COA1: variants seen among roughly 807,000 people sequenced by gnomAD.
COA1 encodes the protein cytochrome c oxidase assembly factor 1 homolog.
Under a neutral mutation model 16.0 loss-of-function variants are expected in COA1, and 13 were observed. The ratio of observed to expected loss-of-function variants is 0.81; its 90% CI spans 0.53 to 1.29. The LOEUF is 1.29. Ranked by LOEUF, COA1 falls within the 50% of genes most tolerant of loss-of-function variation. The pLI, the probability that COA1 is intolerant of heterozygous loss-of-function variation, is 0.00. For synonymous variants in COA1, 65 were observed against 65.7 expected (o/e 0.99, Z 0.05); for missense variants, 179 against 177.0 (o/e 1.01, Z -0.06).
chr7:43,648,814 T>TC (rs765311525), intron 1 of COA1, 162 bp from the exon 2 acceptor site: 36 of 562,138 alleles, frequency 6.4e-5, no homozygotes, highest in Non-Finnish European at 8.7e-5. Flanking sequence ...CCCTGGTTTT[T>TC]CCCCCTTCTG....
At chr7:43,703,016 T>C (rs1350253564) in intron 1 of COA1, among the ~76,000 whole-genome samples, 1 of 152,192 alleles carries the variant, frequency 6.6e-6, no homozygotes, top group Non-Finnish European at 1.5e-5. Context: ...TAACCTTTAG[T>C]TGTGTCCCAA....
At chr7:43,725,601 A>G (rs376651864) in intron 1 of COA1, among the ~76,000 whole-genome samples, 33 of 152,166 alleles carry the variant, frequency 2.2e-4, no homozygotes, top group African/African-American at 8.0e-4. Context: ...GCTCATGCCT[A>G]TAACCCCAGC....
chr7:43,644,787 C>G (rs1024136821), intron 4 of COA1, among the ~76,000 whole-genome samples: 6,275 of 24,830 alleles, frequency 0.25, 343 homozygotes, highest in African/African-American at 0.32. Context: ...GGCAGGCAGG[C>G]AGGCAGAGAG....
At chr7:43,703,226 T>C (rs1356087681) in intron 1 of COA1, among the ~76,000 whole-genome samples, 1 of 152,144 alleles carries the variant, frequency 6.6e-6, no homozygotes, top group African/African-American at 2.4e-5. Flanking sequence ...TCGGTTTTTG[T>C]CTGTTTTAGA....
intron 1 of COA1, among the ~76,000 whole-genome samples, chr7:43,655,799 T>C (rs1296816825): frequency 6.6e-6 from 1 of 152,150 alleles, no homozygotes; most frequent in African/African-American, 2.4e-5. Flanking sequence ...GGAGGCAGAA[T>C]TGATGTTGGA....
At position 43,709,434 on chromosome 7, in the gene COA1, TTGTGTGTGTGTGTGTG is replaced by T. The variant is rs59823123; in HGVS notation, c.-39+19979_-39+19994del. On this transcript the variant is annotated intron_variant, in intron 1 of 5. Coordinates refer to ENST00000223336, the MANE Select transcript of COA1 (RefSeq NM_018224.4). ...ACAGGTCTTGATTCACTTTGTTTTATTGTGTGTGTGTGTGTGTGTGTGTGTGTGTGTGTGTGTGTAT... is the reference window on the plus strand; with the variant it reads ...ACAGGTCTTGATTCACTTTGTTTTATTGTGTGTGTGTGTGTGTGTGTGTAT... Among the ~76,000 whole-genome samples, 14 of 144,988 alleles carry T rather than the reference TTGTGTGTGTGTGTGTG, an allele frequency of 9.7e-5. 1 individual carries two copies. The highest frequency in any genetic ancestry group is 3.3e-4 in the African/African-American group (13 of 39,428).
chr7:43,626,964 A>G (rs2084620843), intron 6 of COA1, among the ~76,000 whole-genome samples: 1 of 152,216 alleles, frequency 6.6e-6, no homozygotes, highest in South Asian at 2.1e-4. Context: ...AAAACAGGGC[A>G]TGAAGAGCCT....
chr7:43,661,674 C>A (rs535000178), intron 1 of COA1, among the ~76,000 whole-genome samples: 20 of 150,996 alleles, frequency 1.3e-4, no homozygotes, highest in South Asian at 4.2e-4. Context: ...AAAGAAAATA[C>A]CAGTTTCCTA....
chr7:43,652,437 G>C (rs548082531), intron 1 of COA1, among the ~76,000 whole-genome samples: 36 of 152,136 alleles, frequency 2.4e-4, no homozygotes, highest in African/African-American at 7.2e-4. Flanking sequence ...TATTATTTTT[G>C]CCTTTCTGAA....
At chr7:43,668,906 A>G (rs1251532384) in intron 1 of COA1, among the ~76,000 whole-genome samples, 1 of 152,240 alleles carries the variant, frequency 6.6e-6, no homozygotes, top group African/African-American at 2.4e-5. Flanking sequence ...AGGGTTATAC[A>G]GAGTAGCACC....
intron 6 of COA1, among the ~76,000 whole-genome samples, chr7:43,612,227 C>T (rs1168449895): frequency 6.6e-6 from 1 of 152,206 alleles, no homozygotes; most frequent in African/African-American, 2.4e-5. Context: ...CCAAAGGGTT[C>T]TCAGCCTTCC....
chr7:43,670,143 T>G (rs2093165936), intron 1 of COA1, among the ~76,000 whole-genome samples: 1 of 152,112 alleles, frequency 6.6e-6, no homozygotes, highest in South Asian at 2.1e-4. Context: ...ATGCATATAT[T>G]AATGGATGTG....
At chr7:43,624,511 T>C (rs779004083) in intron 6 of COA1, 1 of 1,606,322 alleles carries the variant, frequency 6.2e-7, no homozygotes, top group Non-Finnish European at 8.5e-7. Context: ...AACATGTATC[T>C]TTACAGAGAT....
At chr7:43,622,399 T>C (rs2083994717) in intron 6 of COA1, 1 of 152,230 alleles carries the variant, frequency 6.6e-6, no homozygotes, top group South Asian at 2.1e-4. Context: ...ATACATGACC[T>C]TGAGTATTTC....
rs748188910 is a variant in COA1 at position 43,727,969 on chromosome 7, TTTTC to T, written c.-39+1456_-39+1459del. On this transcript the variant is annotated intron_variant, in intron 1 of 5. Coordinates refer to ENST00000223336, the MANE Select transcript of COA1 (RefSeq NM_018224.4). ...TACTAATGTACTAATTACTTTTAGG[TTTTC>T]TTTCTTTTTTTTTTTTTTTGAGATG... Among the ~76,000 whole-genome samples the T allele has an allele frequency of 4.4e-4, 64 of 145,540 alleles. 1 individual carries two copies. The highest frequency in any genetic ancestry group is 1.3e-3 in the South Asian group (6 of 4,636).
At chr7:43,637,424 T>C (rs2153054317), downstream of COA1, among the ~76,000 whole-genome samples, 1 of 152,306 alleles carries the variant, frequency 6.6e-6, no homozygotes, top group South Asian at 2.1e-4. Context: ...GAAACCCCTT[T>C]CTCTGGTCTC....
chr7:43,614,801 A>G (rs1176548289), intron 6 of COA1, among the ~76,000 whole-genome samples: 4 of 152,238 alleles, frequency 2.6e-5, no homozygotes, highest in African/African-American at 9.6e-5. Context: ...ATACAATAAG[A>G]TTTTAATAAT....
chr7:43,623,635 T>A, intron 6 of COA1: 1 of 1,608,572 alleles, frequency 6.2e-7, no homozygotes, highest in Non-Finnish European at 8.5e-7. Flanking sequence ...GAGTTATTAA[T>A]GAAAAATTGA....
chr7:43,719,824 A>C (rs369023447), intron 1 of COA1, among the ~76,000 whole-genome samples: 8 of 152,200 alleles, frequency 5.3e-5, no homozygotes, highest in African/African-American at 1.9e-4. Flanking sequence ...CCTCCAATCA[A>C]GGAGCAAAGA....
Sources: gnomAD v4.1 joint callset for allele counts (sites outside exome capture counted in the v4.1 genomes callset) on GRCh38, gnomAD v4.1.1 for gene constraint, MANE v1.5 for transcripts, NCBI Gene and HGNC (gene_info 2026-07-23, HGNC 2026-07-21) for gene names.